The following LAMC3 variants were observed in gnomAD, a reference collection of about 807,000 sequenced individuals.
The protein encoded by LAMC3 is laminin subunit gamma 3.
A neutral mutation model predicts 173.8 loss-of-function variants in LAMC3; 128 were observed. The ratio of observed to expected loss-of-function variants is 0.74; its 90% CI spans 0.64 to 0.85. The LOEUF (loss-of-function observed/expected upper bound fraction) is 0.85. LAMC3 is among the 40% of genes least tolerant of loss of function. The pLI, the probability that LAMC3 is intolerant of heterozygous loss-of-function variation, is 0.00. For missense variants in LAMC3, 2,022 were observed against 2,156.0 expected (o/e 0.94, Z 1.23); for synonymous variants, 897 against 909.1 (o/e 0.99, Z 0.24).
chr9:131,061,010 C>T, intron 12 of LAMC3, 25 bp from the exon 13 acceptor site: 3 of 1,612,472 alleles, frequency 1.9e-6, no homozygotes, highest in Non-Finnish European at 2.5e-6. Context: ...TGGGTTCAGA[C>T]AGTGGTGCTT....
chr9:131,074,026 A>C (rs1233202164), intron 20 of LAMC3, among the ~76,000 whole-genome samples: 2 of 145,276 alleles, frequency 1.4e-5, no homozygotes, highest in Non-Finnish European at 3.0e-5. Flanking sequence ...GGCTCACTGC[A>C]AGCTCCGCCT....
At chr9:131,021,371 C>T (rs1833621343) in intron 1 of LAMC3, 1 of 152,176 alleles carries the variant, frequency 6.6e-6, no homozygotes, top group Admixed American at 6.6e-5. Flanking sequence ...CATTCCCACC[C>T]ACAGTGCATG....
chr9:131,057,103 TC>T lies in LAMC3; in HGVS notation c.2118del (p.Cys707AlafsTer177). ...MPQGGPYASC[V>X]PCTCNQHGTC... ...CAGGGGGGTCCCTATGCCAGCTGTG[TC>T]CCCTGCACCTGTAACCAGCATGGCA... On this transcript the variant is annotated frameshift_variant, in exon 12 of 28. Coordinates refer to ENST00000361069, the MANE Select transcript of LAMC3 (RefSeq NM_006059.4). LOFTEE classifies it high-confidence loss of function. The T allele has an allele frequency of 6.2e-7, 1 of 1,614,118 alleles. No homozygotes were observed. The highest frequency in any genetic ancestry group is 8.5e-7 in the Non-Finnish European group (1 of 1,180,038).
In LAMC3 at chr9:131,026,951, A is replaced by AT. The variant is rs954185579; in HGVS notation, c.678+363dup. On this transcript the variant is annotated intron_variant, in intron 2 of 27. Coordinates refer to ENST00000361069, the MANE Select transcript of LAMC3 (RefSeq NM_006059.4). This position sits in a 1 kb window ranked among gnomAD's most constrained non-coding sequence, Gnocchi z 4.8. ...GGTCTTGAACTCCTGACATTAAGCG[A>AT]TCCACCTGCCTCGGCCTCCCAAAGT... 5.9e-5 allele frequency among the ~76,000 whole-genome samples: 9 copies of AT among 152,168 alleles called. No individual in the cohort carries two copies. Among genetic ancestry groups the AT allele is most frequent in the African/African-American group, 1.9e-4 (8 of 41,512 alleles).
At position 131,041,719 on chromosome 9, in the gene LAMC3, G is replaced by A. The variant is rs1317071767; in HGVS notation, c.1366G>A (p.Gly456Ser). The change falls in exon 7 of 28, where the codon GGC becomes AGC. Residue 456 changes from glycine (G) to serine (S), a missense_variant. Gly to Ser is a moderately conservative substitution (Grantham distance 56). Transcript: ENST00000361069. ...CTGCCCCTGCAAAGAGAATGTGGAA[G>A]GCAACCTATGTGACAGGTTTGTGAG... ...GRCPCKENVE[G>S]NLCDRCRPGT... 2.5e-6 allele frequency: 4 copies of A among 1,613,630 alleles called. No homozygotes were observed. The African/African-American group carries it at 4.0e-5, about 16-fold the overall frequency.
In LAMC3 at chr9:131,061,113, C is replaced by T. The variant is rs138823998; in HGVS notation, c.2237C>T (p.Ala746Val). The change falls in exon 13 of 28, where the codon GCG becomes GTG. Residue 746 changes from alanine to valine, a missense_variant. By Grantham distance (64) the Ala-to-Val change is moderately conservative. Transcript: ENST00000361069. ...CLPGFYGNPF[A>V]GQADDCQPCP... is the part of the protein sequence containing the mutation. ...CCAGGTTTCTATGGCAACCCTTTCG[C>T]GGGCCAAGCCGACGACTGCCAGCCC... The T allele has an allele frequency of 2.9e-5, 47 of 1,613,908 alleles. No homozygotes were observed. The highest frequency in any genetic ancestry group is 5.0e-5 in the Admixed American group (3 of 60,022).
chr9:131,072,804 T>C lies in LAMC3; in HGVS notation c.3386T>C (p.Ile1129Thr), dbSNP rs1296920617. 2 of 1,612,846 alleles carry C rather than the reference T, an allele frequency of 1.2e-6. No homozygotes were observed. The highest frequency in any genetic ancestry group is 1.3e-5 in the African/African-American group (1 of 74,880). Residue 1129 changes from isoleucine (I) to threonine (T), a missense_variant, in exon 19 of 28, where the codon ATT becomes ACT. Transcript: ENST00000361069. ...EAVLESSEEE[I>T]LHAAAILASL... The stretch of plus-strand genomic sequence containing the variant: ...GTGCTGGAGTCCTCGGAAGAGGAGA[T>C]TCTGCATGCAGCTGCCATTCTCGCG...
Position 131,009,528 on chromosome 9 carries a change from G to GC in LAMC3, c.317dup (p.Ser107ValfsTer23), listed in dbSNP as rs957219392. 2.6e-6 allele frequency: 4 copies of GC among 1,560,854 alleles called. No homozygotes were observed. The African/African-American group carries it at 5.4e-5, about 21-fold the overall frequency. On this transcript the variant is annotated frameshift_variant, in exon 1 of 28. Transcript: ENST00000361069. LOFTEE classifies it high-confidence loss of function. The surrounding 1 kb of genome is among the most constrained non-coding windows in gnomAD (Gnocchi z 4.3). ...CAGGACGAGAGCACCTGGTGGCAGA[G>GC]CCCGTCCATGGCCTTCGGCGTGCAG...
chr9:131,013,412 G>A (rs1360032369), intron 1 of LAMC3, among the ~76,000 whole-genome samples: 8 of 152,180 alleles, frequency 5.3e-5, no homozygotes, highest in Admixed American at 3.3e-4. Flanking sequence ...AAGCAGATGA[G>A]TTCTGCCCTC....
At chr9:131,067,631 C>T (rs1038376579) in intron 14 of LAMC3, among the ~76,000 whole-genome samples, 3 of 152,212 alleles carry the variant, frequency 2.0e-5, no homozygotes, top group Non-Finnish European at 4.4e-5. Context: ...GTGCTTGGAG[C>T]CCTTTCCCAC....
chr9:131,027,047 A>T (rs770928007), intron 2 of LAMC3, among the ~76,000 whole-genome samples: 27 of 152,204 alleles, frequency 1.8e-4, no homozygotes, highest in Non-Finnish European at 3.5e-4. Context: ...CTGCCACAGA[A>T]GGCTTGTTGC....
chr9:131,025,247 G>T (rs1400575645), intron 1 of LAMC3, among the ~76,000 whole-genome samples: 2 of 152,144 alleles, frequency 1.3e-5, no homozygotes, highest in East Asian at 1.9e-4. Context: ...TGCCATGTCA[G>T]GGTTTTTCTC....
intron 22 of LAMC3, among the ~76,000 whole-genome samples, chr9:131,077,863 G>A (rs902828486): frequency 3.9e-5 from 6 of 151,944 alleles, no homozygotes; most frequent in Non-Finnish European, 5.9e-5. Flanking sequence ...ATTCTCTGTT[G>A]ATAATGTTAA....
chr9:131,045,548 G>C lies in LAMC3; in HGVS notation c.1407G>C (p.Leu469=). 1.2e-6 allele frequency: 2 copies of C among 1,613,858 alleles called. No individual in the cohort carries two copies. Among genetic ancestry groups the C allele is most frequent in the Non-Finnish European group, 1.7e-6 (2 of 1,180,032 alleles). The change falls in exon 8 of 28, where the codon CTG becomes CTC. Residue 469 remains leucine, a synonymous_variant. Transcript: ENST00000361069. ...CDRCRPGTFN[L]QPHNPAGCSS... ...GATGTCGCCCGGGGACCTTTAACCTGCAGCCCCACAATCCAGCTGGCTGCA... is the reference window on the plus strand; with the variant it reads ...GATGTCGCCCGGGGACCTTTAACCTCCAGCCCCACAATCCAGCTGGCTGCA...
chr9:131,051,787 A>C (rs1834290757), intron 9 of LAMC3, among the ~76,000 whole-genome samples: 1 of 152,118 alleles, frequency 6.6e-6, no homozygotes, highest in Admixed American at 6.5e-5. Flanking sequence ...TCTCACGGGT[A>C]AGGGAAAGAC....
At chr9:131,071,394 G>A in intron 17 of LAMC3, 90 bp from the exon 18 acceptor site, 1 of 1,480,166 alleles carries the variant, frequency 6.8e-7, no homozygotes. Flanking sequence ...GAACCCCCAG[G>A]GAGAGTGGCA....
Position 131,032,507 on chromosome 9 carries a change from G to A in LAMC3, c.809+332G>A, listed in dbSNP as rs535869866. ...CTCTCGCTCTCGCTCTCTCTCACTC[G>A]CTCTCTCTCTCTTGCTCTCTCTCGC... On this transcript the variant is annotated intron_variant, in intron 3 of 27. Coordinates refer to ENST00000361069, the MANE Select transcript of LAMC3 (RefSeq NM_006059.4). Among the ~76,000 whole-genome samples the A allele has an allele frequency of 4.6e-3, 383 of 82,464 alleles. 3 individuals are homozygous for A. The highest frequency in any genetic ancestry group is 0.012 in the African/African-American group (356 of 29,874). The allele number at this position is 82,464 out of a possible 152,430, so 54.1% of individuals were successfully genotyped here. A position where few individuals can be genotyped will look rare whatever the true frequency, so the allele number is the denominator to read the frequency against.
intron 10 of LAMC3, 72 bp from the exon 11 acceptor site, chr9:131,052,778 T>C (rs1834317528): frequency 7.6e-7 from 1 of 1,321,372 alleles, no homozygotes; most frequent in Admixed American, 1.7e-5. Flanking sequence ...TCTGGGGGGC[T>C]ACCCCCCATC....
At chr9:131,074,583 C>T (rs987161987) in intron 20 of LAMC3, among the ~76,000 whole-genome samples, 2 of 130,022 alleles carry the variant, frequency 1.5e-5, no homozygotes, top group African/African-American at 7.5e-5. Flanking sequence ...ATAATTCCAG[C>T]TATTTGGGAG....
Sources: gnomAD v4.1 joint callset for allele counts (sites outside exome capture counted in the v4.1 genomes callset) on GRCh38, gnomAD v4.1.1 for gene constraint, Gnocchi (gnomAD v3.1) non-coding constraint, MANE v1.5 for transcripts, NCBI Gene and HGNC (gene_info 2026-07-23, HGNC 2026-07-21) for gene names.